Variants in HRNR observed in about 807,000 individuals in gnomAD.
HRNR encodes the protein filaggrin family member 3.
HRNR carries 7 observed loss-of-function variants against 4.8 expected under a neutral mutation model. The ratio of observed to expected loss-of-function variants is 1.47; its 90% CI spans 0.83 to 2.75. The LOEUF (loss-of-function observed/expected upper bound fraction) is 2.75, where lower values mean the gene tolerates loss of function less well. Among genes scored for constraint, HRNR ranks in the 30% most tolerant of loss-of-function variants. HRNR has a pLI of 0.00. For missense variants in HRNR, 2,879 were observed against 3,010.4 expected (o/e 0.96, Z 1.02); for synonymous variants, 1,023 against 1,242.7 (o/e 0.82, Z 3.72).
In HRNR at chr1:152,219,231, A is replaced by G. The variant is rs757809729; in HGVS notation, c.2398T>C (p.Cys800Arg). ...SHGQHGSGTS[C>R]SSSCGHYESG... ...TCATAATGGCCACAGCTGGAAGAACAACTTGTGCCAGACCCGTGTTGGCCG... is the reference window on the plus strand; with the variant it reads ...TCATAATGGCCACAGCTGGAAGAACGACTTGTGCCAGACCCGTGTTGGCCG... The change falls in exon 3 of 3, where the codon TGT (cysteine) becomes CGT (arginine). Residue 800 changes from cysteine (C) to arginine (R), a missense_variant. This residue lies in a region of HRNR where 2,646 missense variants were observed against 1,377.7 expected (regional missense o/e 1.92). Transcript: ENST00000368801. The G allele has an allele frequency of 2.5e-6, 4 of 1,612,902 alleles. No homozygotes were observed. Among genetic ancestry groups the G allele is most frequent in the Non-Finnish European group, 3.4e-6 (4 of 1,179,744 alleles).
chr1:152,219,813 G>A lies in HRNR; in HGVS notation c.1816C>T (p.His606Tyr), dbSNP rs374788506. 1.2e-5 allele frequency: 20 copies of A among 1,612,018 alleles called. No homozygotes were observed. Among genetic ancestry groups the A allele is most frequent in the Non-Finnish European group, 1.7e-5 (20 of 1,178,726 alleles). ...CCATGTTGCCCATGGGTAGAGGAAT[G>A]ACCCGAGCTAGATCCGTGTTGACCG... ...GYGQHGSSSG[H>Y]SSTHGQHGST... Residue 606 changes from histidine to tyrosine, a missense_variant, in exon 3 of 3, where the codon CAT becomes TAT. Around this residue, in one of 8 missense-constraint regions of HRNR, gnomAD observed 2,646 missense variants for 1,377.7 expected, o/e 1.92. Coordinates refer to ENST00000368801, the MANE Select transcript of HRNR (RefSeq NM_001009931.3).
In HRNR at chr1:152,219,177, C is replaced by T. The variant is rs143566650; in HGVS notation, c.2452G>A (p.Gly818Arg). 3.6e-5 allele frequency: 58 copies of T among 1,613,812 alleles called. No homozygotes were observed. In the Middle Eastern group the frequency reaches 4.9e-4, roughly 14 times the overall value. Residue 818 changes from glycine (G) to arginine (R), a missense_variant, in exon 3 of 3, where the codon GGG (glycine) becomes AGG (arginine). This residue lies in a region of HRNR where 2,646 missense variants were observed against 1,377.7 expected (regional missense o/e 1.92). Coordinates refer to ENST00000368801, the MANE Select transcript of HRNR (RefSeq NM_001009931.3). ...ESGSGQASGF[G>R]QHESGSGQGY... ...TGTCCTGAGCCAGACTCGTGTTGCC[C>T]AAAACCAGAAGCCTGGCCTGAGCCA...
rs1477851954 is a variant in HRNR at position 152,219,244 on chromosome 1, C to T, written c.2385G>A (p.Gly795=). The stretch of plus-strand genomic sequence containing the variant: ...AGCTGGAAGAACAACTTGTGCCAGA[C>T]CCGTGTTGGCCGTGGCTGGAGGAGT... ...SGHSSSHGQH[G]SGTSCSSSCG... The change falls in exon 3 of 3, where the codon GGG becomes GGA. Residue 795 remains glycine (G), a synonymous_variant. Transcript: ENST00000368801. 2.5e-6 allele frequency: 4 copies of T among 1,613,560 alleles called. No individual in the cohort carries two copies. The East Asian group carries it at 6.7e-5, about 27-fold the overall frequency.
chr1:152,219,401 C>A lies in HRNR; in HGVS notation c.2228G>T (p.Gly743Val), dbSNP rs267598027. 13 of 1,614,000 alleles carry A rather than the reference C, an allele frequency of 8.1e-6. No individual in the cohort carries two copies. The highest frequency in any genetic ancestry group is 7.7e-5 in the South Asian group (7 of 91,076). Residue 743 changes from glycine (G) to valine (V), a missense_variant, in exon 3 of 3, where the codon GGA (glycine) becomes GTA (valine). This residue lies in a region of HRNR where 2,646 missense variants were observed against 1,377.7 expected (regional missense o/e 1.92). Coordinates refer to ENST00000368801, the MANE Select transcript of HRNR (RefSeq NM_001009931.3). ...GCTGGAAGACAAACCTGAGCTAGAT[C>A]CGTGTTGTTCACTCCTAGATGACTG... ...SGQSSRSEQH[G>V]SSSGLSSSYG...
Position 152,220,445 on chromosome 1 carries a change from C to T in HRNR, c.1184G>A (p.Arg395His), listed in dbSNP as rs545053892. The T allele has an allele frequency of 4.6e-5, 74 of 1,613,788 alleles. No homozygotes were observed. The highest frequency in any genetic ancestry group is 5.3e-5 in the Non-Finnish European group (63 of 1,179,992). Residue 395 changes from arginine (R) to histidine (H), a missense_variant, in exon 3 of 3, where the codon CGT becomes CAT. By Grantham distance (29) the Arg-to-His change is conservative. Transcript: ENST00000368801. ...SSSGQHGSSS[R>H]QSSSYGQHES... The stretch of plus-strand genomic sequence containing the variant: ...ATGCTGACCATAGCTGGAAGACTGA[C>T]GTGAGCTGGAGCCATGTTGGCCAGA...
In HRNR at chr1:152,219,239, C is replaced by T. The variant is rs773786210; in HGVS notation, c.2390G>A (p.Gly797Asp). ...HSSSHGQHGS[G>D]TSCSSSCGHY... The stretch of plus-strand genomic sequence containing the variant: ...GCCACAGCTGGAAGAACAACTTGTG[C>T]CAGACCCGTGTTGGCCGTGGCTGGA... Residue 797 changes from glycine (G) to aspartate (D), a missense_variant, in exon 3 of 3, where the codon GGC becomes GAC. Around this residue, in one of 8 missense-constraint regions of HRNR, gnomAD observed 2,646 missense variants for 1,377.7 expected, o/e 1.92. Coordinates refer to ENST00000368801, the MANE Select transcript of HRNR (RefSeq NM_001009931.3). 5 of 1,613,572 alleles carry T rather than the reference C, an allele frequency of 3.1e-6. No homozygotes were observed. The highest frequency in any genetic ancestry group is 1.3e-5 in the African/African-American group (1 of 74,854).
chr1:152,219,779 G>C lies in HRNR; in HGVS notation c.1850C>G (p.Ser617Ter). 1 of 1,613,160 alleles carries C rather than the reference G, an allele frequency of 6.2e-7. No homozygotes were observed. The highest frequency in any genetic ancestry group is 1.1e-5 in the South Asian group (1 of 91,060). ...TTGGCCACAGCTCGATGACTGTCCT[G>C]ATGTAGAACCATGTTGCCCATGGGT... ...SSTHGQHGST[S>*]GQSSSCGQHG... The change falls in exon 3 of 3, where the codon TCA becomes TGA. Residue 617 changes from serine (S) to a stop codon, truncating the protein, a stop_gained. Coordinates refer to ENST00000368801, the MANE Select transcript of HRNR (RefSeq NM_001009931.3). LOFTEE classifies it low-confidence loss of function (END_TRUNC).
In HRNR at chr1:152,220,577, T is replaced by A; in HGVS notation, c.1052A>T (p.His351Leu). Residue 351 changes from histidine (H) to leucine (L), a missense_variant, in exon 3 of 3, where the codon CAT becomes CTT. His to Leu is a moderately conservative substitution (Grantham distance 99). This residue lies in a region of HRNR where 2,646 missense variants were observed against 1,377.7 expected (regional missense o/e 1.92). Transcript: ENST00000368801. Reference protein sequence around the residue: ...GSGQTSGFGQHESGSGQSSGY... With the variant: ...GSGQTSGFGQLESGSGQSSGY... ...AGAGGACTGTCCTGAGCCAGACTCA[T>A]GTTGCCCAAAGCCAGAAGTCTGGCC... The A allele has an allele frequency of 6.2e-7, 1 of 1,608,108 alleles. No individual in the cohort carries two copies. Among genetic ancestry groups the A allele is most frequent in the Non-Finnish European group, 8.5e-7 (1 of 1,175,686 alleles).
In HRNR at chr1:152,212,863, A is replaced by G; in HGVS notation, c.*213T>C. The G allele has an allele frequency of 1.6e-6, 1 of 643,996 alleles. No homozygotes were observed. The highest frequency in any genetic ancestry group is 2.8e-5 in the East Asian group (1 of 35,608). 39.9% of individuals were successfully genotyped at this position (643,996 alleles called of 1,614,324 possible). On this transcript the variant is annotated 3_prime_UTR_variant, in exon 3 of 3. Transcript: ENST00000368801. ...CAAGTTATTCCACTCAGTATTTTCTAACAAAGTAGCACAAATGCCTAACAG... is the reference window on the plus strand; with the variant it reads ...CAAGTTATTCCACTCAGTATTTTCTGACAAAGTAGCACAAATGCCTAACAG...
chr1:152,212,862 TA>T lies in HRNR; in HGVS notation c.*213del. On this transcript the variant is annotated 3_prime_UTR_variant, in exon 3 of 3. Coordinates refer to ENST00000368801, the MANE Select transcript of HRNR (RefSeq NM_001009931.3). ...ACAAGTTATTCCACTCAGTATTTTC[TA>T]ACAAAGTAGCACAAATGCCTAACAG... 3 of 642,416 alleles carry T rather than the reference TA, an allele frequency of 4.7e-6. No individual in the cohort carries two copies. The highest frequency in any genetic ancestry group is 7.8e-6 in the Non-Finnish European group (3 of 382,808). The allele number at this position is 642,416 out of a possible 1,614,324, so 39.8% of individuals were successfully genotyped here.
chr1:152,222,715 A>G (rs559681558), intron 2 of HRNR, among the ~76,000 whole-genome samples: 2 of 152,244 alleles, frequency 1.3e-5, no homozygotes, highest in Non-Finnish European at 2.9e-5. Flanking sequence ...GGAGTCTGAT[A>G]TAAGGTCCCA....
Position 152,219,432 on chromosome 1 carries a change from A to T in HRNR, c.2197T>A (p.Ser733Thr). ...TGTTCACTCCTAGATGACTGTCCTG[A>T]CCTAGAGCCGTGTTTTCTGTAGCCG... The part of the protein sequence containing the change: ...SSGYRKHGSR[S>T]GQSSRSEQHG... The change falls in exon 3 of 3, where the codon TCA (serine) becomes ACA (threonine). Residue 733 changes from serine (S) to threonine (T), a missense_variant. Physicochemically the swap from Ser to Thr is moderately conservative, Grantham distance 58. Around this residue, in one of 8 missense-constraint regions of HRNR, gnomAD observed 2,646 missense variants for 1,377.7 expected, o/e 1.92. Coordinates refer to ENST00000368801, the MANE Select transcript of HRNR (RefSeq NM_001009931.3). 1.9e-6 allele frequency: 3 copies of T among 1,613,978 alleles called. No individual in the cohort carries two copies. Among genetic ancestry groups the T allele is most frequent in the Non-Finnish European group, 1.7e-6 (2 of 1,179,988 alleles).
rs1330515639 is a variant in HRNR, at chr1:152,220,380, T to C, written c.1249A>G (p.Ser417Gly). 1 of 1,611,988 alleles carries C rather than the reference T, an allele frequency of 6.2e-7. No individual in the cohort carries two copies. Among genetic ancestry groups the C allele is most frequent in the Non-Finnish European group, 8.5e-7 (1 of 1,179,266 alleles). ...SRHSSGRGQH[S>G]SGSGQSPGHG... ...CCTGGAGACTGGCCAGATCCAGAGC[T>C]GTGTTGGCCGCGGCCTGAAGAGTGA... The change falls in exon 3 of 3, where the codon AGC (serine) becomes GGC (glycine). Residue 417 changes from serine to glycine, a missense_variant. By Grantham distance (56) the Ser-to-Gly change is moderately conservative. Transcript: ENST00000368801.
In HRNR at chr1:152,218,859, A is replaced by T. The variant is rs771122457; in HGVS notation, c.2770T>A (p.Ser924Thr). The T allele has an allele frequency of 6.2e-7, 1 of 1,613,594 alleles. No homozygotes were observed. The highest frequency in any genetic ancestry group is 8.5e-7 in the Non-Finnish European group (1 of 1,179,952). ...AAGCCAGAAGACTGGCCTGAGCCAG[A>T]CCCATGTCGGCCACTGCTGGAAGAC... ...GRSSSSGRHG[S>T]GSGQSSGFGH... Residue 924 changes from serine to threonine, a missense_variant, in exon 3 of 3, where the codon TCT becomes ACT. Around this residue, in one of 8 missense-constraint regions of HRNR, gnomAD observed 2,646 missense variants for 1,377.7 expected, o/e 1.92. Transcript: ENST00000368801.
At position 152,219,250 on chromosome 1, in the gene HRNR, T is replaced by C. The variant is rs750311190; in HGVS notation, c.2379A>G (p.Gln793=). 1.9e-6 allele frequency: 3 copies of C among 1,613,510 alleles called. No homozygotes were observed. The East Asian group carries it at 6.7e-5, about 36-fold the overall frequency. The change falls in exon 3 of 3, where the codon CAA becomes CAG. Residue 793 remains glutamine (Q), a synonymous_variant. Coordinates refer to ENST00000368801, the MANE Select transcript of HRNR (RefSeq NM_001009931.3). The part of the protein sequence containing the change: ...SSSGHSSSHG[Q]HGSGTSCSSS... Reference sequence around the variant, plus strand: ...AAGAACAACTTGTGCCAGACCCGTGTTGGCCGTGGCTGGAGGAGTGCCCTG... The same window carrying C: ...AAGAACAACTTGTGCCAGACCCGTGCTGGCCGTGGCTGGAGGAGTGCCCTG...
rs1176639270 is a variant in HRNR, at chr1:152,219,599, T to C, written c.2030A>G (p.Gln677Arg). ...SDFGHSSSYGQHGSGSGWSSS... is the reference protein window; with the variant it reads ...SDFGHSSSYGRHGSGSGWSSS... ...AGACCAACCGGAGCCAGACCCATGT[T>C]GGCCGTAGCTGGAAGAGTGCCCAAA... Residue 677 changes from glutamine to arginine, a missense_variant, in exon 3 of 3, where the codon CAA (glutamine) becomes CGA (arginine). This residue lies in a region of HRNR where 2,646 missense variants were observed against 1,377.7 expected (regional missense o/e 1.92). Transcript: ENST00000368801. 6.2e-7 allele frequency: 1 copy of C among 1,611,164 alleles called. No individual in the cohort carries two copies. The highest frequency in any genetic ancestry group is 8.5e-7 in the Non-Finnish European group (1 of 1,178,630).
Position 152,219,230 on chromosome 1 carries a change from C to T in HRNR, c.2399G>A (p.Cys800Tyr), listed in dbSNP as rs1570841866. ...CTCATAATGGCCACAGCTGGAAGAACAACTTGTGCCAGACCCGTGTTGGCC... is the reference window on the plus strand; with the variant it reads ...CTCATAATGGCCACAGCTGGAAGAATAACTTGTGCCAGACCCGTGTTGGCC... The part of the protein sequence containing the change: ...SHGQHGSGTS[C>Y]SSSCGHYESG... Residue 800 changes from cysteine to tyrosine, a missense_variant, in exon 3 of 3, where the codon TGT becomes TAT. Physicochemically the swap from Cys to Tyr is radical, Grantham distance 194. Transcript: ENST00000368801. 3 of 1,613,740 alleles carry T rather than the reference C, an allele frequency of 1.9e-6. No homozygotes were observed. Among genetic ancestry groups the T allele is most frequent in the South Asian group, 2.2e-5 (2 of 91,072 alleles).
In HRNR at chr1:152,218,776, T is replaced by G. The variant is rs767503545; in HGVS notation, c.2853A>C (p.Ser951=). The change falls in exon 3 of 3, where the codon TCA becomes TCC. Residue 951 remains serine, a synonymous_variant. Coordinates refer to ENST00000368801, the MANE Select transcript of HRNR (RefSeq NM_001009931.3). ...GTTGTTCGTAGCTGGAGGAGTGACC[T>G]GAGCCAGATCCATGCTGAGTGTAAC... is the stretch of plus-strand genomic sequence containing the variant. The part of the protein sequence containing the change: ...SSGYTQHGSG[S]GHSSSYEQHG... 4.3e-6 allele frequency: 7 copies of G among 1,613,644 alleles called. No individual in the cohort carries two copies. Among genetic ancestry groups the G allele is most frequent in the Non-Finnish European group, 5.9e-6 (7 of 1,179,994 alleles).
chr1:152,212,908 A>G lies in HRNR; in HGVS notation c.*168T>C, dbSNP rs1648439018. 2 of 912,152 alleles carry G rather than the reference A, an allele frequency of 2.2e-6. No individual in the cohort carries two copies. Among genetic ancestry groups the G allele is most frequent in the African/African-American group, 1.7e-5 (1 of 59,120 alleles). 56.5% of individuals were successfully genotyped at this position (912,152 alleles called of 1,614,324 possible). On this transcript the variant is annotated 3_prime_UTR_variant, in exon 3 of 3. Coordinates refer to ENST00000368801, the MANE Select transcript of HRNR (RefSeq NM_001009931.3). ...TAACAGTCTTTGGAAGGAACCCCAT[A>G]ACAAGATATATGCTACAGTTTTAGG...
Sources: allele counts gnomAD v4.1 joint callset (sites outside exome capture counted in the v4.1 genomes callset), GRCh38; gene constraint gnomAD v4.1.1; regional missense constraint gnomAD v4.1.1; transcripts MANE v1.5; gene names NCBI Gene and HGNC (gene_info 2026-07-23, HGNC 2026-07-21).